The following NWD2 variants were observed in gnomAD, a reference collection of about 807,000 sequenced individuals.
NWD2 encodes NACHT and WD repeat domain containing 2.
NWD2 carries 37 observed loss-of-function variants against 132.7 expected under a neutral mutation model. That is an observed-to-expected ratio of 0.28 (90% CI 0.21 to 0.37). The LOEUF (loss-of-function observed/expected upper bound fraction) is 0.37, where lower values mean the gene tolerates loss of function less well. Among genes scored for constraint, NWD2 ranks in the 10% least tolerant of loss-of-function variants. The pLI is 1.00. For synonymous variants in NWD2, 705 were observed against 803.0 expected, an observed-to-expected ratio of 0.88 and a Z score of 2.06; for missense variants, 1,592 against 2,122.4, an observed-to-expected ratio of 0.75 and a Z score of 4.91.
chr4:37,345,534 A>G (rs893327863), intron 2 of NWD2, among the ~76,000 whole-genome samples: 2 of 152,146 alleles, frequency 1.3e-5, no homozygotes, highest in Admixed American at 6.5e-5. Context: ...TCGTTTGCCC[A>G]TTTTTAAGTG....
At chr4:37,284,092 A>G (rs1031381642) in intron 1 of NWD2, among the ~76,000 whole-genome samples, 4 of 152,338 alleles carry the variant, frequency 2.6e-5, no homozygotes, top group Middle Eastern at 3.4e-3. Flanking sequence ...AAAATACCAT[A>G]TATTGGGTGG....
At chr4:37,271,801 C>T (rs540071078) in intron 1 of NWD2, among the ~76,000 whole-genome samples, 4 of 151,812 alleles carry the variant, frequency 2.6e-5, no homozygotes, top group South Asian at 2.1e-4. Context: ...TCAGTTCACC[C>T]GATAGATTCA....
chr4:37,298,569 G>T (rs780139836), intron 1 of NWD2, among the ~76,000 whole-genome samples: 1 of 152,138 alleles, frequency 6.6e-6, no homozygotes, highest in African/African-American at 2.4e-5. Context: ...GATGGGTAGG[G>T]TAGAGAGGTG....
At chr4:37,302,009 A>G (rs1190794678) in intron 1 of NWD2, among the ~76,000 whole-genome samples, 1 of 152,060 alleles carries the variant, frequency 6.6e-6, no homozygotes, top group Non-Finnish European at 1.5e-5. Flanking sequence ...AATACACAAT[A>G]AATTATTGTT....
At chr4:37,385,863 A>C (rs534321446) in intron 3 of NWD2, among the ~76,000 whole-genome samples, 1 of 152,230 alleles carries the variant, frequency 6.6e-6, no homozygotes, top group Non-Finnish European at 1.5e-5. Context: ...ACATGCCAGG[A>C]ATTCTAAGTA....
chr4:37,436,169 C>T (rs1712316708), intron 5 of NWD2, among the ~76,000 whole-genome samples: 1 of 152,020 alleles, frequency 6.6e-6, no homozygotes, highest in Non-Finnish European at 1.5e-5. Flanking sequence ...GGACTGGAAA[C>T]CTATTTCCAC....
intron 2 of NWD2, among the ~76,000 whole-genome samples, chr4:37,330,686 T>C (rs1343260513): frequency 6.6e-6 from 1 of 152,188 alleles, no homozygotes; most frequent in African/African-American, 2.4e-5. Flanking sequence ...TTCTTGTTTG[T>C]TTTTAAGTCC....
intron 1 of NWD2, among the ~76,000 whole-genome samples, chr4:37,313,306 T>G (rs143112463): frequency 0.027 from 4,008 of 151,138 alleles, 409 homozygotes; most frequent in African/African-American, 0.093. Flanking sequence ...CAATTTCAGA[T>G]CCTGTTATTG....
intron 1 of NWD2, among the ~76,000 whole-genome samples, chr4:37,314,116 A>G (rs1439035755): frequency 6.6e-6 from 1 of 152,240 alleles, no homozygotes; most frequent in Admixed American, 6.5e-5. Context: ...TTGATTTACA[A>G]ACATTAAAGT....
chr4:37,375,015 G>A (rs1400350813), intron 3 of NWD2, among the ~76,000 whole-genome samples: 1 of 152,170 alleles, frequency 6.6e-6, no homozygotes, highest in Admixed American at 6.5e-5. Context: ...ATTGATCACA[G>A]CATAACTTCT....
intron 2 of NWD2, among the ~76,000 whole-genome samples, chr4:37,355,543 T>C (rs1287292697): frequency 2.0e-5 from 3 of 152,116 alleles, no homozygotes; most frequent in African/African-American, 7.2e-5. Context: ...GGGTCTTGTT[T>C]CCACTTGTGG....
At chr4:37,375,729 T>C (rs1824952) in intron 3 of NWD2, among the ~76,000 whole-genome samples, 129,818 of 152,026 alleles carry the variant, frequency 0.85, 56,806 homozygotes, top group Middle Eastern at 0.95. Context: ...CCACCATGCC[T>C]GGCTAATTTA....
chr4:37,375,655 G>A lies in NWD2; in HGVS notation c.357+19173G>A, dbSNP rs540302224. 6.7e-3 allele frequency among the ~76,000 whole-genome samples: 1,000 copies of A among 148,290 alleles called. 10 individuals carry two copies. The highest frequency in any genetic ancestry group is 0.023 in the African/African-American group (938 of 40,248). On this transcript the variant is annotated intron_variant, in intron 3 of 6. Transcript: ENST00000309447. ...GCGATCTCGGCTCACTGCAAGCTCCGCCTCCCGGGTTCACACCATTCTCCT... is the reference window on the plus strand; with the variant it reads ...GCGATCTCGGCTCACTGCAAGCTCCACCTCCCGGGTTCACACCATTCTCCT...
chr4:37,424,516 T>C (rs946954232), intron 3 of NWD2, among the ~76,000 whole-genome samples: 9 of 152,160 alleles, frequency 5.9e-5, no homozygotes, highest in African/African-American at 2.2e-4. Context: ...TTTATTTTAA[T>C]AAATAGAAGC....
chr4:37,385,886 C>T (rs1162061485), intron 3 of NWD2, among the ~76,000 whole-genome samples: 1 of 152,210 alleles, frequency 6.6e-6, no homozygotes, highest in East Asian at 1.9e-4. Flanking sequence ...TTCATTAGCT[C>T]AGATGTACCT....
chr4:37,422,822 G>A (rs1711862784), intron 3 of NWD2, among the ~76,000 whole-genome samples: 1 of 152,138 alleles, frequency 6.6e-6, no homozygotes, highest in African/African-American at 2.4e-5. Context: ...CACTCCTAAT[G>A]CCTTGCCTTC....
chr4:37,377,416 A>T (rs1244234528), intron 3 of NWD2, among the ~76,000 whole-genome samples: 1 of 152,182 alleles, frequency 6.6e-6, no homozygotes, highest in Non-Finnish European at 1.5e-5. Context: ...TATTATTTTC[A>T]CTGTCAGACC....
chr4:37,350,001 T>A (rs576543212), intron 2 of NWD2, among the ~76,000 whole-genome samples: 1 of 152,204 alleles, frequency 6.6e-6, no homozygotes, highest in Admixed American at 6.5e-5. Context: ...ATTGTAGATA[T>A]GTGGCATTAT....
At chr4:37,341,360 G>C (rs1213002937) in intron 2 of NWD2, among the ~76,000 whole-genome samples, 1 of 152,150 alleles carries the variant, frequency 6.6e-6, no homozygotes, top group Admixed American at 6.5e-5. Context: ...GGTTTATCAG[G>C]ATATAACCTC....
Sources: gnomAD v4.1 joint callset for allele counts (sites outside exome capture counted in the v4.1 genomes callset) on GRCh38, gnomAD v4.1.1 for gene constraint, MANE v1.5 for transcripts, NCBI Gene and HGNC (gene_info 2026-07-23, HGNC 2026-07-21) for gene names.